ZNF385D: variants seen among roughly 807,000 people sequenced by gnomAD.
The protein encoded by ZNF385D is zinc finger protein 659.
Under a neutral mutation model 35.8 loss-of-function variants are expected in ZNF385D, and 15 were observed. That is an observed-to-expected ratio of 0.42 (90% CI 0.28 to 0.64). The LOEUF is 0.64. ZNF385D is among the 30% of genes least tolerant of loss of function. The pLI, the probability that ZNF385D is intolerant of heterozygous loss-of-function variation, is 0.23. For synonymous variants in ZNF385D, 212 were observed against 186.8 expected, an observed-to-expected ratio of 1.13 and a Z score of -1.10; for missense variants, 474 against 494.6, an observed-to-expected ratio of 0.96 and a Z score of 0.39.
chr3:22,094,498 G>A (rs1238441089), intron 3 of ZNF385D, among the ~76,000 whole-genome samples: 1 of 147,188 alleles, frequency 6.8e-6, no homozygotes, highest in East Asian at 2.0e-4. Flanking sequence ...TAACTCCCAT[G>A]AAATAGAAAA....
intron 3 of ZNF385D, among the ~76,000 whole-genome samples, chr3:22,090,507 A>G (rs1360166371): frequency 6.7e-6 from 1 of 149,968 alleles, no homozygotes; most frequent in East Asian, 2.0e-4. Context: ...TCTTACAGAG[A>G]AAAAAAAAAT....
At chr3:21,596,640 C>CTTTTTTTTTTT (rs34205074) in intron 2 of ZNF385D, among the ~76,000 whole-genome samples, 2 of 134,370 alleles carry the variant, frequency 1.5e-5, no homozygotes, top group Non-Finnish European at 1.6e-5. Context: ...TCATGCTTGA[C>CTTTTTTTTTTT]TTTTTTTTTT....
intron 1 of ZNF385D, among the ~76,000 whole-genome samples, chr3:21,678,092 G>A (rs552065093): frequency 2.0e-5 from 3 of 151,974 alleles, no homozygotes; most frequent in South Asian, 2.1e-4. Flanking sequence ...TGCTATCCCC[G>A]ACACAAACCC....
chr3:22,155,357 T>C (rs1576414687), intron 3 of ZNF385D, among the ~76,000 whole-genome samples: 1 of 152,178 alleles, frequency 6.6e-6, no homozygotes, highest in Non-Finnish European at 1.5e-5. Flanking sequence ...CTGATGCTTG[T>C]ATTAGTGAGA....
intron 2 of ZNF385D, among the ~76,000 whole-genome samples, chr3:22,190,415 C>A (rs1299051985): frequency 6.6e-6 from 1 of 152,092 alleles, no homozygotes; most frequent in Non-Finnish European, 1.5e-5. Context: ...TATTAGTAAC[C>A]TTAATTGCAT....
At chr3:21,564,731 A>G in intron 2 of ZNF385D, 47 bp from the exon 3 acceptor site, 1 of 1,262,204 alleles carries the variant, frequency 7.9e-7, no homozygotes, top group Non-Finnish European at 1.1e-6. Flanking sequence ...AAAGCTTGTC[A>G]GTTCCATTGG....
chr3:22,188,764 T>A (rs758014937), intron 2 of ZNF385D, among the ~76,000 whole-genome samples: 1 of 152,236 alleles, frequency 6.6e-6, no homozygotes, highest in Non-Finnish European at 1.5e-5. Context: ...GCATACTTTT[T>A]AAAATATTTT....
At chr3:21,897,582 C>T (rs1203227205) in intron 3 of ZNF385D, among the ~76,000 whole-genome samples, 7 of 152,058 alleles carry the variant, frequency 4.6e-5, no homozygotes, top group Admixed American at 1.3e-4. Context: ...AGGTTTCAGA[C>T]GATTAAGATG....
chr3:21,534,936 C>G (rs2062001502), intron 3 of ZNF385D, among the ~76,000 whole-genome samples: 1 of 152,120 alleles, frequency 6.6e-6, no homozygotes, highest in Non-Finnish European at 1.5e-5. Flanking sequence ...CTCTTTTCTA[C>G]ATAAGTAAAA....
At chr3:21,893,413 A>G (rs1314226208) in intron 3 of ZNF385D, among the ~76,000 whole-genome samples, 1 of 152,194 alleles carries the variant, frequency 6.6e-6, no homozygotes, top group African/African-American at 2.4e-5. Flanking sequence ...CACTCATGTC[A>G]TCGAGCTGTT....
At chr3:21,945,254 T>C (rs888879238) in intron 3 of ZNF385D, among the ~76,000 whole-genome samples, 6 of 152,088 alleles carry the variant, frequency 3.9e-5, no homozygotes, top group Non-Finnish European at 8.8e-5. Context: ...GAAATTTTTC[T>C]ATGCCACACA....
intron 2 of ZNF385D, among the ~76,000 whole-genome samples, chr3:22,262,707 A>G (rs1700697612): frequency 6.6e-6 from 1 of 151,932 alleles, no homozygotes; most frequent in Admixed American, 6.6e-5. Context: ...TCATTTCAAA[A>G]TAAAAGTTGG....
intron 3 of ZNF385D, among the ~76,000 whole-genome samples, chr3:21,556,287 A>C (rs185115523): frequency 1.4e-4 from 21 of 152,030 alleles, no homozygotes; most frequent in African/African-American, 3.9e-4. Context: ...TTAGTCATGA[A>C]GTCCTTGCCC....
At chr3:21,623,136 C>T (rs931442655) in intron 2 of ZNF385D, among the ~76,000 whole-genome samples, 2 of 152,054 alleles carry the variant, frequency 1.3e-5, no homozygotes, top group African/African-American at 4.8e-5. Context: ...TCAGTTTCCT[C>T]ATCTGTATGT....
chr3:21,519,608 A>C (rs1233059443), intron 3 of ZNF385D, among the ~76,000 whole-genome samples: 1 of 152,210 alleles, frequency 6.6e-6, no homozygotes, highest in African/African-American at 2.4e-5. Flanking sequence ...GGAAGCCAGC[A>C]CACAAGTCTA....
At chr3:22,312,054 A>G (rs1307535183) in intron 2 of ZNF385D, among the ~76,000 whole-genome samples, 2 of 152,088 alleles carry the variant, frequency 1.3e-5, no homozygotes, top group African/African-American at 2.4e-5. Context: ...GCTGTGCTGG[A>G]AGTCTTCACA....
chr3:21,457,866 A>G (rs940789622), intron 4 of ZNF385D, among the ~76,000 whole-genome samples: 7 of 152,198 alleles, frequency 4.6e-5, no homozygotes, highest in African/African-American at 7.2e-5. Context: ...CAACAGCTAA[A>G]TTAGCTAAGA....
chr3:21,429,668 G>T (rs1211968479), intron 5 of ZNF385D, among the ~76,000 whole-genome samples: 1 of 151,896 alleles, frequency 6.6e-6, no homozygotes, highest in Non-Finnish European at 1.5e-5. Flanking sequence ...GTTTCAGAGG[G>T]GTTTACTTTA....
At chr3:21,443,062 C>G in intron 4 of ZNF385D, 1 of 908,586 alleles carries the variant, frequency 1.1e-6, no homozygotes, top group Non-Finnish European at 1.3e-6. Flanking sequence ...TCCTCACTCC[C>G]GTCTGCTAGA....
Sources: allele counts gnomAD v4.1 joint callset (sites outside exome capture counted in the v4.1 genomes callset), GRCh38; gene constraint gnomAD v4.1.1; transcripts MANE v1.5; gene names NCBI Gene and HGNC (gene_info 2026-07-23, HGNC 2026-07-21).